SLCO5A1: variants seen among roughly 807,000 people sequenced by gnomAD.
SLCO5A1 encodes solute carrier organic anion transporter family member 5A1.
Under a neutral mutation model 65.1 loss-of-function variants are expected in SLCO5A1, and 39 were observed. The ratio of observed to expected loss-of-function variants is 0.60; its 90% CI spans 0.46 to 0.78. The LOEUF is 0.78. SLCO5A1 is among the 30% of genes least tolerant of loss of function. The probability of loss-of-function intolerance (pLI) is 0.00; values close to 1 mark genes in which losing one functional copy is unlikely to be tolerated. For synonymous variants in SLCO5A1, 438 were observed against 415.7 expected (o/e 1.05, Z -0.65); for missense variants, 1,029 against 1,069.4 (o/e 0.96, Z 0.53).
intron 4 of SLCO5A1, among the ~76,000 whole-genome samples, chr8:69,750,275 T>C (rs950495330): frequency 1.3e-5 from 2 of 151,964 alleles, no homozygotes; most frequent in Admixed American, 1.3e-4. Flanking sequence ...CAGGGCCAGT[T>C]TAGCAGGCTG....
chr8:69,686,431 G>A (rs1814005336), intron 6 of SLCO5A1, among the ~76,000 whole-genome samples: 1 of 151,914 alleles, frequency 6.6e-6, no homozygotes, highest in Non-Finnish European at 1.5e-5. Context: ...GCAACTTCAG[G>A]TTTATAAATA....
chr8:69,827,738 A>G (rs1820984460), intron 2 of SLCO5A1, among the ~76,000 whole-genome samples: 1 of 152,202 alleles, frequency 6.6e-6, no homozygotes, highest in South Asian at 2.1e-4. Context: ...TTAATTCGTT[A>G]TTTATTGGGA....
At chr8:69,755,358 G>C in intron 4 of SLCO5A1, 66 bp downstream of exon 4, 1 of 1,362,594 alleles carries the variant, frequency 7.3e-7, no homozygotes, top group Non-Finnish European at 1.0e-6. Context: ...CATGGGCCTG[G>C]GACCACACTA....
intron 6 of SLCO5A1, among the ~76,000 whole-genome samples, chr8:69,701,725 C>T (rs1321388506): frequency 6.6e-6 from 1 of 152,180 alleles, no homozygotes; most frequent in Non-Finnish European, 1.5e-5. Context: ...CTCATTTCTC[C>T]CTAAAATGTA....
At chr8:69,750,092 T>C (rs1284711019) in intron 4 of SLCO5A1, among the ~76,000 whole-genome samples, 1 of 152,148 alleles carries the variant, frequency 6.6e-6, no homozygotes, top group East Asian at 1.9e-4. Flanking sequence ...CAAGTGGGAC[T>C]GAAAGGAGAT....
intron 6 of SLCO5A1, among the ~76,000 whole-genome samples, chr8:69,691,531 T>C (rs1181400005): frequency 6.6e-6 from 1 of 152,242 alleles, no homozygotes. Flanking sequence ...ATGACCACCA[T>C]TCTAGCTCTT....
At chr8:69,731,600 T>G (rs1816338996) in intron 5 of SLCO5A1, among the ~76,000 whole-genome samples, 1 of 152,222 alleles carries the variant, frequency 6.6e-6, no homozygotes, top group Admixed American at 6.5e-5. Context: ...TTGTCCACTA[T>G]GAGCTCTTAC....
intron 2 of SLCO5A1, among the ~76,000 whole-genome samples, chr8:69,824,066 C>A (rs1306021997): frequency 6.6e-6 from 1 of 152,130 alleles, no homozygotes; most frequent in Non-Finnish European, 1.5e-5. Context: ...TAAAGATGTT[C>A]TTTGAAACCA....
Position 69,805,715 on chromosome 8 carries a change from A to T in SLCO5A1, c.907+26052T>A, listed in dbSNP as rs550397717. 1.3e-4 allele frequency among the ~76,000 whole-genome samples: 20 copies of T among 152,342 alleles called. 1 individual carries two copies. In the South Asian group the frequency reaches 3.9e-3, roughly 30 times the overall value. On this transcript the variant is annotated intron_variant, in intron 2 of 9. Transcript: ENST00000260126. ...CAGAATTCCAATATATGCACTAGAA[A>T]TACAGCCCCTTCTCCCACTTAACAG...
chr8:69,708,560 CAAAA>C (rs55950736), intron 5 of SLCO5A1, among the ~76,000 whole-genome samples: 11 of 144,514 alleles, frequency 7.6e-5, no homozygotes, highest in South Asian at 2.2e-4. Context: ...GACACTGTTT[CAAAA>C]AAAAAAAAAA....
intron 6 of SLCO5A1, among the ~76,000 whole-genome samples, chr8:69,690,084 A>G (rs916457945): frequency 2.0e-5 from 3 of 152,062 alleles, no homozygotes; most frequent in African/African-American, 7.3e-5. Flanking sequence ...CACTTATTCT[A>G]CACCTCTCAT....
chr8:69,796,865 G>C lies in SLCO5A1; in HGVS notation c.907+34902C>G, dbSNP rs569024969. Among the ~76,000 whole-genome samples the C allele has an allele frequency of 9.2e-5, 14 of 152,106 alleles. 1 individual carries two copies. The highest frequency in any genetic ancestry group is 6.8e-3 in the Middle Eastern group (2 of 294). On this transcript the variant is annotated intron_variant, in intron 2 of 9. Coordinates refer to ENST00000260126, the MANE Select transcript of SLCO5A1 (RefSeq NM_030958.3). ...CAAAGTTCCACAGATTCCTAGAGCA[G>C]AGGCACAATGCAGCCAGACCTTTGC...
At chr8:69,730,848 C>G (rs746366342) in intron 5 of SLCO5A1, among the ~76,000 whole-genome samples, 1 of 152,038 alleles carries the variant, frequency 6.6e-6, no homozygotes, top group Non-Finnish European at 1.5e-5. Flanking sequence ...CTGGAGAGCT[C>G]GGCTGTTGAA....
intron 5 of SLCO5A1, among the ~76,000 whole-genome samples, chr8:69,712,855 C>A (rs1032154090): frequency 1.7e-5 from 2 of 118,926 alleles, no homozygotes; most frequent in African/African-American, 3.4e-5. Context: ...TATATAAAAT[C>A]TTTAAGTGAT....
intron 5 of SLCO5A1, among the ~76,000 whole-genome samples, chr8:69,724,618 T>C (rs951905476): frequency 1.3e-5 from 2 of 152,266 alleles, no homozygotes; most frequent in Non-Finnish European, 2.9e-5. Flanking sequence ...TGTGAGACGG[T>C]TCAGCAAAAG....
At chr8:69,830,268 C>T (rs374352683) in intron 2 of SLCO5A1, among the ~76,000 whole-genome samples, 3 of 152,110 alleles carry the variant, frequency 2.0e-5, no homozygotes, top group East Asian at 1.9e-4. Flanking sequence ...TCATTTACAC[C>T]GTCCTTTGAA....
At chr8:69,827,098 G>A (rs959871267) in intron 2 of SLCO5A1, among the ~76,000 whole-genome samples, 1 of 141,058 alleles carries the variant, frequency 7.1e-6, no homozygotes, top group Non-Finnish European at 1.5e-5. Flanking sequence ...ATTGAACAAT[G>A]AGAACACATG....
intron 2 of SLCO5A1, among the ~76,000 whole-genome samples, chr8:69,810,452 T>C (rs945580441): frequency 7.2e-5 from 11 of 152,052 alleles, no homozygotes; most frequent in Admixed American, 1.3e-4. Flanking sequence ...CCGTTCCAGC[T>C]CCCACAGTAA....
chr8:69,697,687 C>A (rs1433149289), intron 6 of SLCO5A1, among the ~76,000 whole-genome samples: 1 of 151,728 alleles, frequency 6.6e-6, no homozygotes, highest in Non-Finnish European at 1.5e-5. Context: ...TTTCACAACA[C>A]CTTGAAAAAA....
Sources: gnomAD v4.1 joint callset for allele counts (sites outside exome capture counted in the v4.1 genomes callset) on GRCh38, gnomAD v4.1.1 for gene constraint, MANE v1.5 for transcripts, NCBI Gene and HGNC (gene_info 2026-07-23, HGNC 2026-07-21) for gene names.